CNOT4: variants seen among roughly 807,000 people sequenced by gnomAD.
The protein encoded by CNOT4 is CCR4-associated factor 4.
In CNOT4, 8 loss-of-function variants were observed where a neutral mutation model predicts 73.8. That is an observed-to-expected ratio of 0.11 (90% CI 0.06 to 0.20). The LOEUF is 0.20. Among genes scored for constraint, CNOT4 ranks in the 10% least tolerant of loss-of-function variants. The pLI is 1.00. For missense variants in CNOT4, 564 were observed against 883.4 expected (o/e 0.64, Z 4.58); for synonymous variants, 293 against 321.1 (o/e 0.91, Z 0.94).
chr7:135,395,919 T>C, intron 8 of CNOT4, 36 bp from the exon 9 acceptor site: 1 of 1,433,582 alleles, frequency 7.0e-7, no homozygotes, highest in African/African-American at 1.4e-5. Context: ...TAACTACATG[T>C]TTATACATTT....
intron 2 of CNOT4, among the ~76,000 whole-genome samples, chr7:135,427,440 C>G (rs1798569693): frequency 6.6e-6 from 1 of 151,896 alleles, no homozygotes; most frequent in African/African-American, 2.4e-5. Flanking sequence ...AGTACTCATT[C>G]TTTTTCTAAT....
At chr7:135,372,977 A>G (rs1279831520) in intron 10 of CNOT4, among the ~76,000 whole-genome samples, 2 of 152,222 alleles carry the variant, frequency 1.3e-5, no homozygotes, top group Non-Finnish European at 2.9e-5. Flanking sequence ...AAAACATGAC[A>G]TTTTGACTAT....
rs768451518 is a variant in CNOT4, at chr7:135,438,145, T to C, written c.174+13A>G. 6.9e-7 allele frequency: 1 copy of C among 1,450,646 alleles called. No individual in the cohort carries two copies. The highest frequency in any genetic ancestry group is 9.6e-7 in the Non-Finnish European group (1 of 1,036,456). 89.9% of individuals were successfully genotyped at this position (1,450,646 alleles called of 1,614,324 possible). A position where few individuals can be genotyped will look rare whatever the true frequency, so the allele number is the denominator to read the frequency against. On this transcript the variant is annotated intron_variant, in intron 2 of 11. Coordinates refer to ENST00000541284, the MANE Select transcript of CNOT4 (RefSeq NM_001190850.2). Reference sequence around the variant, plus strand: ...TAAAACAAATCACTGTGAAGTTATTTTGAAGTATTTACCTTTCTACATGCA... The same window carrying C: ...TAAAACAAATCACTGTGAAGTTATTCTGAAGTATTTACCTTTCTACATGCA...
intron 10 of CNOT4, among the ~76,000 whole-genome samples, chr7:135,385,116 G>A (rs1023194465): frequency 3.9e-5 from 6 of 152,138 alleles, no homozygotes; most frequent in South Asian, 4.1e-4. Context: ...CTTTCTAACC[G>A]GTCCTAATTG....
rs74739954 is a variant in CNOT4 at position 135,438,062 on chromosome 7, T to C, written c.174+96A>G. The C allele has an allele frequency of 4.5e-3, 2,973 of 662,040 alleles. 93 individuals carry two copies. In the East Asian group the frequency reaches 0.065, roughly 14 times the overall value. The allele number at this position is 662,040 out of a possible 1,614,324, so 41.0% of individuals were successfully genotyped here. On this transcript the variant is annotated intron_variant, in intron 2 of 11. Coordinates refer to ENST00000541284, the MANE Select transcript of CNOT4 (RefSeq NM_001190850.2). ...AATAAAATAATATAATCAGGTGAGG[T>C]TTGCACAGTCTTTTAAATTCACTTG...
At position 135,479,121 on chromosome 7, in the gene CNOT4, C is replaced by T. The variant is rs146360332; in HGVS notation, c.-93+30768G>A. Among the ~76,000 whole-genome samples, 794 of 150,266 alleles carry T rather than the reference C, an allele frequency of 5.3e-3. 2 individuals carry two copies. Among genetic ancestry groups the T allele is most frequent in the Non-Finnish European group, 7.8e-3 (525 of 67,724 alleles). ...AAGCATGGTATGTGCATTTTTTTAG[C>T]TTTGACAAACATTGCCAAATTGTCA... is the stretch of plus-strand genomic sequence containing the variant. On this transcript the variant is annotated intron_variant, in intron 1 of 11. Transcript: ENST00000541284.
chr7:135,417,277 A>G (rs1253133449), intron 3 of CNOT4, among the ~76,000 whole-genome samples: 3 of 152,226 alleles, frequency 2.0e-5, no homozygotes, highest in Non-Finnish European at 2.9e-5. Context: ...TAAGCTCTCC[A>G]GTGATATTAA....
intron 1 of CNOT4, among the ~76,000 whole-genome samples, chr7:135,466,884 A>G (rs1309197313): frequency 6.6e-6 from 1 of 152,242 alleles, no homozygotes; most frequent in East Asian, 1.9e-4. Flanking sequence ...GCCTAGGTGT[A>G]CAGTAGGCTG....
chr7:135,424,206 G>A (rs763228411), intron 2 of CNOT4, among the ~76,000 whole-genome samples: 1 of 151,946 alleles, frequency 6.6e-6, no homozygotes, highest in Non-Finnish European at 1.5e-5. Context: ...CCACATTTAA[G>A]TTTTTTCTTA....
At chr7:135,389,157 CAAAAA>C (rs11292254) in intron 10 of CNOT4, among the ~76,000 whole-genome samples, 3 of 83,684 alleles carry the variant, frequency 3.6e-5, no homozygotes, top group African/African-American at 4.5e-5. Flanking sequence ...AACATACTAC[CAAAAA>C]AAAAAAAAAA....
intron 2 of CNOT4, among the ~76,000 whole-genome samples, chr7:135,423,247 C>T (rs1340396767): frequency 2.0e-5 from 3 of 151,552 alleles, no homozygotes; most frequent in East Asian, 1.9e-4. Flanking sequence ...ACATTAAATG[C>T]CATAATATTT....
At chr7:135,400,257 G>A (rs1796932612) in intron 7 of CNOT4, among the ~76,000 whole-genome samples, 1 of 152,104 alleles carries the variant, frequency 6.6e-6, no homozygotes, top group African/African-American at 2.4e-5. Flanking sequence ...GGTAAGGACA[G>A]AAAGGTAAAC....
At chr7:135,444,271 G>A (rs930606022) in intron 1 of CNOT4, among the ~76,000 whole-genome samples, 3 of 152,132 alleles carry the variant, frequency 2.0e-5, no homozygotes, top group African/African-American at 4.8e-5. Flanking sequence ...ACTCCTAGGT[G>A]TATATTCAAA....
intron 7 of CNOT4, among the ~76,000 whole-genome samples, chr7:135,402,934 C>T (rs1240976515): frequency 6.6e-6 from 1 of 152,034 alleles, no homozygotes; most frequent in Non-Finnish European, 1.5e-5. Context: ...AAATTTGCAA[C>T]ATAAACCAAT....
At chr7:135,481,069 C>T (rs889152603) in intron 1 of CNOT4, among the ~76,000 whole-genome samples, 2 of 148,200 alleles carry the variant, frequency 1.3e-5, no homozygotes, top group African/African-American at 4.9e-5. Context: ...GCTCAGACAA[C>T]AAAAATAAAA....
Position 135,446,763 on chromosome 7 carries a change from G to A in CNOT4, c.-92-8340C>T, listed in dbSNP as rs576694710. ...GACACACACACACATGCACACTTTG[G>A]TATTGTATAGCATCTTAAAAGTTTC... On this transcript the variant is annotated intron_variant, in intron 1 of 11. Transcript: ENST00000541284. Among the ~76,000 whole-genome samples, 7 of 151,246 alleles carry A rather than the reference G, an allele frequency of 4.6e-5. No individual in the cohort carries two copies. The South Asian group carries it at 1.5e-3, about 32-fold the overall frequency.
intron 1 of CNOT4, among the ~76,000 whole-genome samples, chr7:135,445,211 T>C (rs1799748263): frequency 1.3e-5 from 2 of 152,224 alleles, no homozygotes; most frequent in African/African-American, 4.8e-5. Context: ...ACATGATATA[T>C]GAGCTTTTGC....
At chr7:135,456,330 C>T (rs1470067269) in intron 1 of CNOT4, among the ~76,000 whole-genome samples, 1 of 152,154 alleles carries the variant, frequency 6.6e-6, no homozygotes, top group African/African-American at 2.4e-5. Context: ...ATGCAGTTTA[C>T]CAACCTCTGC....
chr7:135,451,300 G>C (rs1800147862), intron 1 of CNOT4, among the ~76,000 whole-genome samples: 1 of 152,070 alleles, frequency 6.6e-6, no homozygotes, highest in African/African-American at 2.4e-5. Context: ...GTTTTGTTTT[G>C]TCTTGTTTTT....
Sources: allele counts gnomAD v4.1 joint callset (sites outside exome capture counted in the v4.1 genomes callset), GRCh38; gene constraint gnomAD v4.1.1; transcripts MANE v1.5; gene names NCBI Gene and HGNC (gene_info 2026-07-23, HGNC 2026-07-21).